NMNAT2: variants seen among roughly 807,000 people sequenced by gnomAD.
NMNAT2 encodes the protein nicotinamide/nicotinic acid mononucleotide adenylyltransferase 2.
A neutral mutation model predicts 41.6 loss-of-function variants in NMNAT2; 11 were observed. The observed-to-expected ratio is 0.26, with a 90% CI of 0.17 to 0.44. NMNAT2 has a LOEUF of 0.44. NMNAT2 is among the 20% of genes least tolerant of loss of function. The probability of loss-of-function intolerance (pLI) is 1.00; values close to 1 mark genes in which losing one functional copy is unlikely to be tolerated. For missense variants in NMNAT2, 288 were observed against 407.7 expected, an observed-to-expected ratio of 0.71 and a Z score of 2.53; for synonymous variants, 148 against 151.2, an observed-to-expected ratio of 0.98 and a Z score of 0.16.
At chr1:183,300,295 G>T (rs1661815886) in intron 1 of NMNAT2, among the ~76,000 whole-genome samples, 1 of 152,022 alleles carries the variant, frequency 6.6e-6, no homozygotes. Context: ...CCAGCTACTT[G>T]GGAGGCTGAG....
chr1:183,386,479 T>C (rs1648250980), intron 1 of NMNAT2, among the ~76,000 whole-genome samples: 1 of 152,214 alleles, frequency 6.6e-6, no homozygotes, highest in Non-Finnish European at 1.5e-5. Flanking sequence ...GAAAACATCT[T>C]ATGAAACTGA....
At chr1:183,368,319 G>A (rs1053390263) in intron 1 of NMNAT2, among the ~76,000 whole-genome samples, 2 of 152,124 alleles carry the variant, frequency 1.3e-5, no homozygotes, top group Non-Finnish European at 2.9e-5. Context: ...AGAATTAAGG[G>A]CAACATCATG....
chr1:183,416,111 A>G (rs995496598), intron 1 of NMNAT2, among the ~76,000 whole-genome samples: 2 of 152,230 alleles, frequency 1.3e-5, no homozygotes, highest in Non-Finnish European at 2.9e-5. Context: ...CTATCCTTGA[A>G]GCTCATGGAG....
chr1:183,346,522 A>T (rs1213822956), intron 1 of NMNAT2, among the ~76,000 whole-genome samples: 1 of 152,342 alleles, frequency 6.6e-6, no homozygotes, highest in East Asian at 1.9e-4. Flanking sequence ...CATCACCAAG[A>T]CAAAACTAAG....
intron 1 of NMNAT2, among the ~76,000 whole-genome samples, chr1:183,357,679 T>G (rs531336415): frequency 6.6e-6 from 1 of 152,330 alleles, no homozygotes; most frequent in East Asian, 1.9e-4. Context: ...TTTACTGACT[T>G]TTTAATAATA....
chr1:183,403,794 A>T (rs1648882489), intron 1 of NMNAT2, among the ~76,000 whole-genome samples: 1 of 152,228 alleles, frequency 6.6e-6, no homozygotes, highest in Non-Finnish European at 1.5e-5. Context: ...TACACATTGA[A>T]AAGTTGATTT....
chr1:183,387,459 A>C (rs934180501), intron 1 of NMNAT2, among the ~76,000 whole-genome samples: 1 of 152,234 alleles, frequency 6.6e-6, no homozygotes, highest in Non-Finnish European at 1.5e-5. Context: ...AGCAGAGAAC[A>C]AATCTGGATC....
At chr1:183,359,133 GAT>G (rs1342266326) in intron 1 of NMNAT2, among the ~76,000 whole-genome samples, 1 of 151,890 alleles carries the variant, frequency 6.6e-6, no homozygotes, top group Non-Finnish European at 1.5e-5. Flanking sequence ...GATTTCATGA[GAT>G]AGTTGATTTT....
intron 1 of NMNAT2, among the ~76,000 whole-genome samples, chr1:183,390,845 A>G (rs1392871318): frequency 3.3e-5 from 5 of 152,090 alleles, no homozygotes; most frequent in Non-Finnish European, 7.4e-5. Context: ...AAAACCTATT[A>G]TTTTCTTTCT....
chr1:183,414,947 T>A (rs1356840896), intron 1 of NMNAT2, among the ~76,000 whole-genome samples: 1 of 151,946 alleles, frequency 6.6e-6, no homozygotes, highest in Admixed American at 6.6e-5. Context: ...TAAAAAAAAA[T>A]TATTACAAAT....
At position 183,302,552 on chromosome 1, in the gene NMNAT2, G is replaced by A. The variant is rs1332384775; in HGVS notation, c.86-8759C>T. 2.6e-5 allele frequency among the ~76,000 whole-genome samples: 4 copies of A among 152,100 alleles called. No homozygotes were observed. The East Asian group carries it at 5.8e-4, about 22-fold the overall frequency. On this transcript the variant is annotated intron_variant, in intron 1 of 10. Coordinates refer to ENST00000287713, the MANE Select transcript of NMNAT2 (RefSeq NM_015039.4). Reference sequence around the variant, plus strand: ...CCTCTAGCCAATTCCTAGAGATAGCGAATAACTGGCCCTTGAGCACACTTT... The same window carrying A: ...CCTCTAGCCAATTCCTAGAGATAGCAAATAACTGGCCCTTGAGCACACTTT...
chr1:183,405,692 T>C (rs1408916063), intron 1 of NMNAT2, among the ~76,000 whole-genome samples: 1 of 152,262 alleles, frequency 6.6e-6, no homozygotes, highest in East Asian at 1.9e-4. Context: ...TATTGTTTTT[T>C]TTGTTTGTCT....
chr1:183,304,694 A>G (rs897479836), intron 1 of NMNAT2: 4 of 1,613,990 alleles, frequency 2.5e-6, no homozygotes, highest in African/African-American at 2.7e-5. Context: ...AACACTTCCC[A>G]GAGCCCCTGG....
intron 1 of NMNAT2, among the ~76,000 whole-genome samples, chr1:183,345,304 A>G (rs1179827502): frequency 6.6e-6 from 1 of 152,150 alleles, no homozygotes; most frequent in Non-Finnish European, 1.5e-5. Flanking sequence ...GGTAAATTAT[A>G]TATGTATATT....
chr1:183,351,475 C>A (rs1042832636), intron 1 of NMNAT2, among the ~76,000 whole-genome samples: 5 of 152,220 alleles, frequency 3.3e-5, no homozygotes, highest in African/African-American at 1.2e-4. Flanking sequence ...TCCTCGCCTG[C>A]AGAACTTTGG....
chr1:183,259,669 G>A (rs918329723), intron 10 of NMNAT2, among the ~76,000 whole-genome samples: 6 of 151,980 alleles, frequency 3.9e-5, no homozygotes, highest in Admixed American at 1.3e-4. Context: ...GCGCGATCTC[G>A]GCTCACTGCA....
At chr1:183,303,802 C>G (rs548572033) in intron 1 of NMNAT2, among the ~76,000 whole-genome samples, 1 of 152,204 alleles carries the variant, frequency 6.6e-6, no homozygotes, top group Non-Finnish European at 1.5e-5. Flanking sequence ...ATATGTGGGA[C>G]CACAGGAGCC....
rs1649308145 is a variant in NMNAT2 at position 183,418,196 on chromosome 1, G to A, written c.72C>T (p.His24=). 1 of 1,614,058 alleles carries A rather than the reference G, an allele frequency of 6.2e-7. No individual in the cohort carries two copies. The highest frequency in any genetic ancestry group is 1.1e-5 in the South Asian group (1 of 91,076). The change falls in exon 1 of 11, where the codon CAC becomes CAT. Residue 24 remains histidine (H), a synonymous_variant. Transcript: ENST00000287713. ...GGGAGGACTCACCAAACATCTGAAT[G>A]TGCCCTTTGGTGATGGGATTGAAGC... The part of the protein sequence containing the change: ...CGSFNPITKG[H]IQMFERARDY...
At chr1:183,354,521 C>T (rs1663140566) in intron 1 of NMNAT2, among the ~76,000 whole-genome samples, 1 of 149,336 alleles carries the variant, frequency 6.7e-6, no homozygotes, top group Non-Finnish European at 1.5e-5. Flanking sequence ...AGGTGATCCT[C>T]CTACCTCAGC....
Sources: allele counts gnomAD v4.1 joint callset (sites outside exome capture counted in the v4.1 genomes callset), GRCh38; gene constraint gnomAD v4.1.1; transcripts MANE v1.5; gene names NCBI Gene and HGNC (gene_info 2026-07-23, HGNC 2026-07-21).